Variants in TANK observed in about 807,000 individuals in gnomAD.
TANK encodes the protein TRAF family member-associated NF-kappa-B activator.
In TANK, 15 loss-of-function variants were observed where a neutral mutation model predicts 43.6. That is an observed-to-expected ratio of 0.34 (90% CI 0.23 to 0.53). The LOEUF is 0.53. Among genes scored for constraint, TANK ranks in the 20% least tolerant of loss-of-function variants. The pLI, the probability that TANK is intolerant of heterozygous loss-of-function variation, is 0.94. For synonymous variants in TANK, 162 were observed against 178.2 expected (o/e 0.91, Z 0.73); for missense variants, 417 against 498.6 (o/e 0.84, Z 1.56).
In TANK at chr2:161,211,771, G is replaced by A. The variant is rs550614178; in HGVS notation, c.327+6978G>A. 7.7e-5 allele frequency: 76 copies of A among 985,404 alleles called. 1 individual carries two copies. The South Asian group carries it at 3.1e-3, about 40-fold the overall frequency. 61.0% of individuals were successfully genotyped at this position (985,404 alleles called of 1,614,324 possible). A position where few individuals can be genotyped will look rare whatever the true frequency, so the allele number is the denominator to read the frequency against. On this transcript the variant is annotated intron_variant, in intron 4 of 7. Coordinates refer to ENST00000392749, the MANE Select transcript of TANK (RefSeq NM_001199135.3). ...TTATGCACACTGTACAATGGCACAGGCCAATGTAGGCTGGGGCTTAGAGAA... is the reference window on the plus strand; with the variant it reads ...TTATGCACACTGTACAATGGCACAGACCAATGTAGGCTGGGGCTTAGAGAA...
chr2:161,199,841 TGAGACCAGCC>T (rs1686324598), intron 2 of TANK, among the ~76,000 whole-genome samples: 5 of 152,128 alleles, frequency 3.3e-5, no homozygotes, highest in Non-Finnish European at 5.9e-5. Context: ...CCCAGGAGTT[TGAGACCAGCC>T]TGGGCAGCAT....
chr2:161,163,152 T>C (rs1684519405), intron 1 of TANK: 1 of 152,188 alleles, frequency 6.6e-6, no homozygotes, highest in Admixed American at 6.5e-5. Flanking sequence ...TAAAAAGAAC[T>C]GGGCAGAGTT....
At chr2:161,157,755 C>T (rs1026643450), upstream of TANK, among the ~76,000 whole-genome samples, 1 of 151,932 alleles carries the variant, frequency 6.6e-6, no homozygotes, top group Non-Finnish European at 1.5e-5. Context: ...GTGATCTTGG[C>T]TCACTGAAAT....
intron 4 of TANK, 153 bp from the exon 5 acceptor site, chr2:161,223,762 A>G (rs1367027215): frequency 9.7e-6 from 4 of 411,158 alleles, no homozygotes; most frequent in Non-Finnish European, 1.8e-5. Flanking sequence ...GAAAAAAATC[A>G]ATTGTATATT....
rs375885616 is a variant in TANK, at chr2:161,139,257, G to A, written c.-50+2194G>A. The stretch of plus-strand genomic sequence containing the variant: ...CAACCTTGTCTTGTTTCTGATCTCA[G>A]TGGGAATTTCCCTAGTGGTTAACAT... On this transcript the variant is annotated intron_variant, in intron 1 of 7. Transcript: ENST00000259075. 2.0e-5 allele frequency among the ~76,000 whole-genome samples: 3 copies of A among 152,302 alleles called. No individual in the cohort carries two copies. The East Asian group carries it at 5.8e-4, about 29-fold the overall frequency.
chr2:161,172,355 C>CTTTTCTTTTT (rs1553485179), intron 1 of TANK, among the ~76,000 whole-genome samples: 1 of 89,268 alleles, frequency 1.1e-5, no homozygotes, highest in African/African-American at 4.9e-5. Flanking sequence ...TTTTTTTCGG[C>CTTTTCTTTTT]TTTTTTTTTT....
chr2:161,188,889 C>T (rs548376067), intron 2 of TANK, among the ~76,000 whole-genome samples: 1 of 152,180 alleles, frequency 6.6e-6, no homozygotes, highest in Non-Finnish European at 1.5e-5. Context: ...AATGCTGCTC[C>T]AAAACTGTCA....
intron 2 of TANK, among the ~76,000 whole-genome samples, chr2:161,198,012 TTAAAATC>T (rs1686232584): frequency 6.6e-6 from 1 of 152,134 alleles, no homozygotes; most frequent in African/African-American, 2.4e-5. Flanking sequence ...AGCATCAACT[TTAAAATC>T]TAAAGTTTCA....
At chr2:161,142,621 C>T (rs985861780) in intron 1 of TANK, among the ~76,000 whole-genome samples, 4 of 152,114 alleles carry the variant, frequency 2.6e-5, no homozygotes, top group African/African-American at 9.7e-5. Context: ...TGTCAAAGAT[C>T]AGATGGTTGT....
At chr2:161,149,309 A>G (rs1684006201) in intron 1 of TANK, among the ~76,000 whole-genome samples, 1 of 152,190 alleles carries the variant, frequency 6.6e-6, no homozygotes, top group South Asian at 2.1e-4. Flanking sequence ...ATGTATAGAA[A>G]AAACTGATTT....
intron 3 of TANK, 23 bp downstream of exon 3, chr2:161,203,618 T>C (rs1176508447): frequency 5.3e-6 from 8 of 1,500,582 alleles, no homozygotes; most frequent in Non-Finnish European, 7.3e-6. Context: ...TAATTTTTTA[T>C]GTATTTCTAG....
At chr2:161,161,678 T>G (rs1229870329) in intron 1 of TANK, 9 of 465,978 alleles carry the variant, frequency 1.9e-5, no homozygotes, top group Non-Finnish European at 3.3e-5. Flanking sequence ...TCTTGCCATA[T>G]GTAGCTCTAT....
intron 1 of TANK, among the ~76,000 whole-genome samples, chr2:161,141,217 G>C (rs1020422663): frequency 2.6e-5 from 4 of 152,038 alleles, no homozygotes; most frequent in African/African-American, 9.7e-5. Context: ...CAGTTGTTCT[G>C]CATTTCTGAC....
intron 1 of TANK, among the ~76,000 whole-genome samples, chr2:161,138,607 G>A (rs1014681236): frequency 2.0e-5 from 3 of 152,152 alleles, no homozygotes; most frequent in Non-Finnish European, 4.4e-5. Flanking sequence ...GTGCCTCCAA[G>A]CAGTTAGCTT....
intron 6 of TANK, 92 bp downstream of exon 6, chr2:161,224,838 G>C (rs2105387607): frequency 2.7e-6 from 2 of 746,534 alleles, no homozygotes; most frequent in Middle Eastern, 3.5e-4. Flanking sequence ...TGCCTATTAA[G>C]TGTGTAGCAT....
At chr2:161,205,949 C>T (rs1488232152) in intron 4 of TANK, among the ~76,000 whole-genome samples, 1 of 152,000 alleles carries the variant, frequency 6.6e-6, no homozygotes, top group Non-Finnish European at 1.5e-5. Flanking sequence ...AATTAGGATA[C>T]TTTATGTAGT....
At chr2:161,150,832 C>T (rs185304119) in intron 1 of TANK, among the ~76,000 whole-genome samples, 9 of 152,260 alleles carry the variant, frequency 5.9e-5, no homozygotes, top group Admixed American at 2.0e-4. Flanking sequence ...CTCAAGTGAT[C>T]TGCTTGTCTC....
At chr2:161,222,962 T>C (rs1225550197) in intron 4 of TANK, 2 of 151,960 alleles carry the variant, frequency 1.3e-5, no homozygotes, top group African/African-American at 4.8e-5. Context: ...TCTGAAGAAA[T>C]TGAAAGAAAT....
rs142173274 is a variant in TANK at position 161,195,204 on chromosome 2, C to T, written c.100-8283C>T. On this transcript the variant is annotated intron_variant, in intron 2 of 7. Coordinates refer to ENST00000392749, the MANE Select transcript of TANK (RefSeq NM_001199135.3). ...ATATATTGAGCAGCTACTATGTATCCGGAACTGCACTAAGTACTAAATCTA... is the reference window on the plus strand; with the variant it reads ...ATATATTGAGCAGCTACTATGTATCTGGAACTGCACTAAGTACTAAATCTA... Among the ~76,000 whole-genome samples, 402 of 152,226 alleles carry T rather than the reference C, an allele frequency of 2.6e-3. 4 individuals are homozygous for T. Among genetic ancestry groups the T allele is most frequent in the African/African-American group, 9.3e-3 (385 of 41,530 alleles).
Sources: allele counts gnomAD v4.1 joint callset (sites outside exome capture counted in the v4.1 genomes callset), GRCh38; gene constraint gnomAD v4.1.1; transcripts MANE v1.5; gene names NCBI Gene and HGNC (gene_info 2026-07-23, HGNC 2026-07-21).